CEP128: variants seen among roughly 807,000 people sequenced by gnomAD.
The protein encoded by CEP128 is centrosomal protein 128, also known as centrosomal protein 128kDa.
In CEP128, 132 loss-of-function variants were observed where a neutral mutation model predicts 156.7. The ratio of observed to expected loss-of-function variants is 0.84; its 90% CI spans 0.73 to 0.97. The LOEUF (loss-of-function observed/expected upper bound fraction) is 0.97. CEP128 is among the 50% of genes least tolerant of loss of function. The pLI is 0.00. For missense variants in CEP128, 1,252 were observed against 1,281.9 expected, an observed-to-expected ratio of 0.98 and a Z score of 0.36; for synonymous variants, 469 against 448.9, an observed-to-expected ratio of 1.04 and a Z score of -0.57.
chr14:80,894,254 G>T (rs1168723239), intron 8 of CEP128, among the ~76,000 whole-genome samples: 2 of 151,910 alleles, frequency 1.3e-5, no homozygotes, highest in East Asian at 3.8e-4. Flanking sequence ...CCTTTGTCAA[G>T]TAACAGGTTC....
At chr14:80,946,337 CCTCATGATGCATCATG>C (rs1886343661), upstream of CEP128, among the ~76,000 whole-genome samples, 2 of 139,038 alleles carry the variant, frequency 1.4e-5, no homozygotes, top group South Asian at 2.2e-4. Context: ...CATGATGATG[CCTCATGATGCATCATG>C]ATGATGCCTC....
intron 19 of CEP128, among the ~76,000 whole-genome samples, chr14:80,694,856 C>CGTAT (rs1322251451): frequency 6.6e-6 from 1 of 150,876 alleles, no homozygotes; most frequent in Non-Finnish European, 1.5e-5. Context: ...TCATGGCACA[C>CGTAT]GTATACCTAT....
At chr14:80,769,829 G>GA (rs927842913) in intron 16 of CEP128, among the ~76,000 whole-genome samples, 40 of 150,726 alleles carry the variant, frequency 2.7e-4, no homozygotes, top group South Asian at 8.4e-4. Context: ...AAATGCTGAT[G>GA]AAAAAAAAAC....
rs747660649 is a variant in CEP128, at chr14:80,836,324, C to T, written c.938G>A (p.Arg313His). The T allele has an allele frequency of 2.4e-5, 39 of 1,613,830 alleles. No homozygotes were observed. The highest frequency in any genetic ancestry group is 1.1e-4 in the South Asian group (10 of 91,046). The change falls in exon 12 of 25, where the codon CGT (arginine) becomes CAT (histidine). Residue 313 changes from arginine to histidine, a missense_variant. Transcript: ENST00000555265. ...ACCTTCTGCTTTCGTAAGTTGTGTA[C>T]GCAGTTCTTCTACCTAACACATGGT... ...ETLLHQVEELRTQLTKAEGDR... is the reference protein window; with the variant it reads ...ETLLHQVEELHTQLTKAEGDR...
chr14:80,480,629 G>A (rs938972344), intron 14 of CEP128, among the ~76,000 whole-genome samples: 3 of 152,154 alleles, frequency 2.0e-5, no homozygotes, highest in Non-Finnish European at 2.9e-5. Flanking sequence ...CAGAAAATAG[G>A]TTTTTCTTTT....
At chr14:80,927,103 G>C (rs959223808) in intron 2 of CEP128, among the ~76,000 whole-genome samples, 8 of 152,192 alleles carry the variant, frequency 5.3e-5, no homozygotes, top group African/African-American at 1.9e-4. Context: ...ACCCAGAGCA[G>C]CAGCAAGATT....
intron 17 of CEP128, among the ~76,000 whole-genome samples, chr14:80,758,568 G>A (rs1899793472): frequency 1.3e-5 from 2 of 150,760 alleles, no homozygotes; most frequent in African/African-American, 4.9e-5. Context: ...TCAGCACAGT[G>A]TCTGGGACAG....
intron 19 of CEP128, among the ~76,000 whole-genome samples, chr14:80,704,143 A>T (rs927986118): frequency 6.6e-6 from 1 of 152,072 alleles, no homozygotes; most frequent in Non-Finnish European, 1.5e-5. Context: ...CCACACAATT[A>T]AATTTAGAAT....
intron 2 of CEP128, among the ~76,000 whole-genome samples, chr14:80,948,297 C>G (rs1458471718): frequency 6.6e-6 from 1 of 152,192 alleles, no homozygotes; most frequent in Non-Finnish European, 1.5e-5. Flanking sequence ...GCCTACTACT[C>G]AAAGAATCAT....
intron 6 of CEP128, among the ~76,000 whole-genome samples, chr14:80,903,573 A>T (rs1336598296): frequency 6.6e-6 from 1 of 151,844 alleles, no homozygotes; most frequent in Non-Finnish European, 1.5e-5. Flanking sequence ...AATCCACAGG[A>T]TGGGAGAAAT....
intron 8 of CEP128, among the ~76,000 whole-genome samples, chr14:80,877,074 C>T (rs1379353456): frequency 6.6e-6 from 1 of 152,000 alleles, no homozygotes; most frequent in African/African-American, 2.4e-5. Context: ...GCTATAAGAT[C>T]TTTGCATTTT....
intron 14 of CEP128, 104 bp downstream of exon 14, chr14:80,792,656 T>C (rs1901771298): frequency 2.4e-6 from 2 of 849,420 alleles, no homozygotes; most frequent in Non-Finnish European, 3.8e-6. Flanking sequence ...CAAGGACATA[T>C]TGATTATATG....
chr14:80,845,394 G>A (rs182779937), intron 9 of CEP128, among the ~76,000 whole-genome samples: 20 of 152,166 alleles, frequency 1.3e-4, no homozygotes, highest in African/African-American at 4.8e-4. Context: ...CACTTTCCAG[G>A]ATTTCCTTCA....
intron 16 of CEP128, 45 bp from the exon 17 acceptor site, chr14:80,761,658 G>A (rs768404700): frequency 1.4e-6 from 2 of 1,405,112 alleles, no homozygotes; most frequent in South Asian, 2.8e-5. Flanking sequence ...CTATTAAGTG[G>A]AGGCAAGAAA....
chr14:80,697,136 A>C (rs975573011), intron 19 of CEP128, among the ~76,000 whole-genome samples: 4 of 152,084 alleles, frequency 2.6e-5, no homozygotes, highest in African/African-American at 9.7e-5. Context: ...CAAACTATTA[A>C]ATGTTAGCAA....
intron 6 of CEP128, among the ~76,000 whole-genome samples, chr14:80,490,922 C>T (rs576531559): frequency 3.3e-5 from 5 of 152,182 alleles, no homozygotes; most frequent in African/African-American, 9.6e-5. Flanking sequence ...TAACACAGAT[C>T]GTTGGCGCCA....
chr14:80,486,885 T>C (rs1001578354), downstream of CEP128, among the ~76,000 whole-genome samples: 4 of 151,752 alleles, frequency 2.6e-5, no homozygotes, highest in Admixed American at 2.0e-4. Context: ...GCACTAAACA[T>C]GGAAAGGAAC....
chr14:80,617,672 T>C (rs1030554607), intron 19 of CEP128, among the ~76,000 whole-genome samples: 3 of 152,184 alleles, frequency 2.0e-5, no homozygotes, highest in African/African-American at 7.2e-5. Flanking sequence ...GCTGGGAGCA[T>C]TGGCTCACGC....
chr14:80,922,774 T>C (rs1474448333), intron 2 of CEP128, among the ~76,000 whole-genome samples: 1 of 152,182 alleles, frequency 6.6e-6, no homozygotes, highest in African/African-American at 2.4e-5. Flanking sequence ...CATAAGAAAT[T>C]TCAGCATGAC....
Sources: allele counts gnomAD v4.1 joint callset (sites outside exome capture counted in the v4.1 genomes callset), GRCh38; gene constraint gnomAD v4.1.1; transcripts MANE v1.5; gene names NCBI Gene and HGNC (gene_info 2026-07-23, HGNC 2026-07-21).